The following IL1RAPL2 variants were observed in gnomAD, a reference collection of about 807,000 sequenced individuals.
The protein encoded by IL1RAPL2 is X-linked interleukin-1 receptor accessory protein-like 2.
IL1RAPL2 carries 3 observed loss-of-function variants against 44.1 expected under a neutral mutation model. The observed-to-expected ratio is 0.07, with a 90% CI of 0.03 to 0.18. The LOEUF is 0.18. Ranked by LOEUF, IL1RAPL2 falls within the 10% of genes least tolerant of loss-of-function variation. The pLI, the probability that IL1RAPL2 is intolerant of heterozygous loss-of-function variation, is 1.00. For synonymous variants in IL1RAPL2, 181 were observed against 178.8 expected (o/e 1.01, Z -0.10); for missense variants, 391 against 496.4 (o/e 0.79, Z 2.02).
chrX:105,226,032 T>C (rs2034011130), intron 3 of IL1RAPL2, among the ~76,000 whole-genome samples: 1 of 111,812 alleles, frequency 8.9e-6, no homozygotes, highest in Admixed American at 9.6e-5. Context: ...AAAAGGCAGG[T>C]TTGCTTATAG....
At chrX:105,417,183 T>C (rs2035739243) in intron 5 of IL1RAPL2, among the ~76,000 whole-genome samples, 4 of 112,632 alleles carry the variant, frequency 3.6e-5, no homozygotes, top group African/African-American at 1.3e-4. Flanking sequence ...ATAAGATTTA[T>C]ATGAAGTAGG....
intron 2 of IL1RAPL2, among the ~76,000 whole-genome samples, chrX:104,909,459 C>A (rs1230953266): frequency 9.0e-6 from 1 of 111,412 alleles, no homozygotes; most frequent in Non-Finnish European, 1.9e-5. Flanking sequence ...TCTGTTTTTT[C>A]CCCATCTTTG....
chrX:105,338,245 C>T (rs189972352), intron 5 of IL1RAPL2, among the ~76,000 whole-genome samples: 71 of 111,818 alleles, frequency 6.3e-4, no homozygotes, highest in Admixed American at 2.9e-3. Flanking sequence ...AGGACTTTGC[C>T]TTAGTTGATG....
chrX:105,614,377 A>G (rs766810929), intron 6 of IL1RAPL2, among the ~76,000 whole-genome samples: 4 of 112,327 alleles, frequency 3.6e-5, no homozygotes, highest in Non-Finnish European at 5.6e-5. Flanking sequence ...AGTCAAAACT[A>G]TCATAATGCA....
intron 6 of IL1RAPL2, among the ~76,000 whole-genome samples, chrX:105,570,766 T>C (rs757788334): frequency 8.0e-5 from 9 of 111,940 alleles, no homozygotes; most frequent in African/African-American, 2.9e-4. Context: ...TTTATACATG[T>C]TTGCATCAGA....
chrX:105,311,633 CACACACACAT>C (rs2034797928), intron 5 of IL1RAPL2, among the ~76,000 whole-genome samples: 1 of 98,149 alleles, frequency 1.0e-5, no homozygotes, highest in Non-Finnish European at 1.9e-5. Flanking sequence ...CACACACACA[CACACACACAT>C]ATATATATAT....
intron 6 of IL1RAPL2, among the ~76,000 whole-genome samples, chrX:105,664,745 G>GA (rs762664889): frequency 1.8e-5 from 2 of 111,749 alleles, no homozygotes; most frequent in Non-Finnish European, 3.8e-5. Context: ...ATACTCTGTG[G>GA]AAAAGATTGT....
intron 6 of IL1RAPL2, among the ~76,000 whole-genome samples, chrX:105,538,726 A>G (rs2036697811): frequency 1.8e-5 from 2 of 111,800 alleles, no homozygotes; most frequent in Non-Finnish European, 3.8e-5. Flanking sequence ...TAGGCGCCGA[A>G]ATAGGAAAAG....
At chrX:105,362,551 T>C (rs1030234057) in intron 5 of IL1RAPL2, among the ~76,000 whole-genome samples, 3 of 110,790 alleles carry the variant, frequency 2.7e-5, no homozygotes, top group Non-Finnish European at 3.8e-5. Flanking sequence ...GGTTCTATCC[T>C]CAACAATAAA....
chrX:105,131,432 T>C (rs5962467), intron 2 of IL1RAPL2, among the ~76,000 whole-genome samples: 3,916 of 109,953 alleles, frequency 0.036, 168 homozygotes, highest in African/African-American at 0.12. Flanking sequence ...TATAAACAAA[T>C]GAGGGTGGTT....
At chrX:104,815,183 A>G (rs1569319621) in intron 2 of IL1RAPL2, among the ~76,000 whole-genome samples, 1 of 111,686 alleles carries the variant, frequency 9.0e-6, no homozygotes, top group East Asian at 2.8e-4. Context: ...AAAGGGGATT[A>G]TGTTTGTTTC....
At chrX:104,734,891 A>G (rs967517869) in intron 2 of IL1RAPL2, among the ~76,000 whole-genome samples, 1 of 112,066 alleles carries the variant, frequency 8.9e-6, no homozygotes, top group Non-Finnish European at 1.9e-5. Context: ...AAACAGGCCC[A>G]CTTTATGCTT....
chrX:104,951,246 A>G (rs1007998392), intron 2 of IL1RAPL2, among the ~76,000 whole-genome samples: 2 of 112,581 alleles, frequency 1.8e-5, no homozygotes, highest in Non-Finnish European at 3.7e-5. Context: ...AAACAGTTAT[A>G]TAACATTTGC....
intron 6 of IL1RAPL2, among the ~76,000 whole-genome samples, chrX:105,499,571 A>T (rs2036378609): frequency 8.9e-6 from 1 of 112,286 alleles, no homozygotes; most frequent in Admixed American, 9.5e-5. Flanking sequence ...AAACTGATTG[A>T]CTACAGATAA....
At chrX:104,778,883 G>C (rs2147601438) in intron 2 of IL1RAPL2, among the ~76,000 whole-genome samples, 1 of 110,313 alleles carries the variant, frequency 9.1e-6, no homozygotes, top group African/African-American at 3.3e-5. Flanking sequence ...TTCAAACCAA[G>C]TTTCAAATTG....
At chrX:104,924,659 G>A (rs755629607) in intron 2 of IL1RAPL2, among the ~76,000 whole-genome samples, 7 of 111,118 alleles carry the variant, frequency 6.3e-5, no homozygotes, top group African/African-American at 2.0e-4. Flanking sequence ...AATAAAAATC[G>A]AAACAAAACA....
chrX:105,720,568 C>T (rs1372714272), intron 7 of IL1RAPL2, among the ~76,000 whole-genome samples: 2 of 111,409 alleles, frequency 1.8e-5, no homozygotes, highest in East Asian at 2.9e-4. Context: ...TATTCCATTA[C>T]GTGATTATAC....
chrX:104,758,721 A>G (rs1359256889), intron 2 of IL1RAPL2, among the ~76,000 whole-genome samples: 1 of 112,008 alleles, frequency 8.9e-6, no homozygotes, highest in Non-Finnish European at 1.9e-5. Flanking sequence ...GAAAATTGGT[A>G]CAGAAATTTA....
chrX:105,756,067 C>T (rs898916903), intron 10 of IL1RAPL2, among the ~76,000 whole-genome samples: 1 of 111,598 alleles, frequency 9.0e-6, no homozygotes, highest in Non-Finnish European at 1.9e-5. Context: ...TCTCGAAGAG[C>T]TTAAAATGCC....
Sources: gnomAD v4.1 joint callset for allele counts (sites outside exome capture counted in the v4.1 genomes callset) on GRCh38, gnomAD v4.1.1 for gene constraint, MANE v1.5 for transcripts, NCBI Gene and HGNC (gene_info 2026-07-23, HGNC 2026-07-21) for gene names.